The following MED26 variants were observed in gnomAD, a reference collection of about 807,000 sequenced individuals.
MED26 encodes the protein mediator complex subunit 26, also known as mediator of RNA polymerase II transcription subunit 26.
MED26 carries 7 observed loss-of-function variants against 43.7 expected under a neutral mutation model. The observed-to-expected ratio is 0.16, with a 90% CI of 0.09 to 0.30. The LOEUF is 0.30. Among genes scored for constraint, MED26 ranks in the 10% least tolerant of loss-of-function variants. MED26 has a pLI of 1.00. For missense variants in MED26, 784 were observed against 840.6 expected (o/e 0.93, Z 0.83); for synonymous variants, 375 against 371.1 (o/e 1.01, Z -0.12).
chr19:16,623,968 G>C (rs999997760), intron 1 of MED26, among the ~76,000 whole-genome samples: 1 of 152,078 alleles, frequency 6.6e-6, no homozygotes, highest in Admixed American at 6.6e-5. Flanking sequence ...CTGCAAAAGG[G>C]GAGACTGGCT....
At position 16,576,500 on chromosome 19, in the gene MED26, G is replaced by A. The variant is rs370366495; in HGVS notation, c.1330C>T (p.Arg444Trp). Reference sequence around the variant, plus strand: ...TCCATGTGCACAGGGCTGTCTGCCCGCACTGGCTCTTTCTGGGTCAGAGGT... The same window carrying A: ...TCCATGTGCACAGGGCTGTCTGCCCACACTGGCTCTTTCTGGGTCAGAGGT... ...IKPLTQKEPV[R>W]ADSPVHMEQQ... The change falls in exon 3 of 3, where the codon CGG becomes TGG. Residue 444 changes from arginine (R) to tryptophan (W), a missense_variant. Physicochemically the swap from Arg to Trp is moderately radical, Grantham distance 101. Around this residue, in one of 3 missense-constraint regions of MED26, gnomAD observed 719 missense variants for 730.9 expected, o/e 0.98. Transcript: ENST00000263390. The surrounding 1 kb of genome is among the most constrained non-coding windows in gnomAD (Gnocchi z 6.8). The A allele has an allele frequency of 1.7e-5, 28 of 1,614,064 alleles. No individual in the cohort carries two copies. The highest frequency in any genetic ancestry group is 6.6e-5 in the South Asian group (6 of 91,088).
chr19:16,609,941 T>TAAAAA (rs869040520), intron 1 of MED26, among the ~76,000 whole-genome samples: 1 of 84,666 alleles, frequency 1.2e-5, no homozygotes, highest in African/African-American at 4.7e-5. Context: ...AAGCACTCTT[T>TAAAAA]AAAAAAAAAA....
rs548209460 is a variant in MED26 at position 16,596,297 on chromosome 19, C to T, written c.73-17888G>A. On this transcript the variant is annotated intron_variant, in intron 1 of 2. Coordinates refer to ENST00000263390, the MANE Select transcript of MED26 (RefSeq NM_004831.5). The stretch of plus-strand genomic sequence containing the variant: ...GGTCCCAGAAAGCAACCCCATGCTG[C>T]GTCAGAGCTGTTATCCTGCCCTCCT... 2.6e-5 allele frequency among the ~76,000 whole-genome samples: 4 copies of T among 152,368 alleles called. No homozygotes were observed. In the South Asian group the frequency reaches 6.2e-4, roughly 24 times the overall value.
rs58343988 is a variant in MED26 at position 16,574,921 on chromosome 19, G to GTTTTTTTTTTTTTTTTTT, written c.*1105_*1106insAAAAAAAAAAAAAAAAAA. The GTTTTTTTTTTTTTTTTTT allele has an allele frequency of 7.0e-6, 1 of 142,056 alleles. No homozygotes were observed. The highest frequency in any genetic ancestry group is 1.6e-5 in the Non-Finnish European group (1 of 64,366). The allele number at this position is 142,056 out of a possible 1,614,324, so 8.8% of individuals were successfully genotyped here. ...ATTCTCAGACTGGTTTGTGCAAATG[G>GTTTTTTTTTTTTTTTTTT]TTTTTTTTTTTTTTTTATTTCCACA... On this transcript the variant is annotated 3_prime_UTR_variant, in exon 3 of 3. Transcript: ENST00000263390.
chr19:16,615,349 G>C (rs1023122451), intron 1 of MED26, among the ~76,000 whole-genome samples: 1 of 152,200 alleles, frequency 6.6e-6, no homozygotes, highest in Non-Finnish European at 1.5e-5. Flanking sequence ...GGCACAATGT[G>C]CTCAGATGAT....
chr19:16,579,428 G>A (rs1047976156), intron 1 of MED26, among the ~76,000 whole-genome samples: 4 of 152,246 alleles, frequency 2.6e-5, no homozygotes, highest in Non-Finnish European at 5.9e-5. Flanking sequence ...TACTTCGGGG[G>A]ATACAGCTGA....
At chr19:16,596,758 T>G (rs2086121765) in intron 1 of MED26, among the ~76,000 whole-genome samples, 1 of 152,144 alleles carries the variant, frequency 6.6e-6, no homozygotes, top group African/African-American at 2.4e-5. Flanking sequence ...TGACAGGACC[T>G]GGGGTAAGGT....
chr19:16,616,796 C>T (rs2086228254), intron 1 of MED26, among the ~76,000 whole-genome samples: 1 of 152,100 alleles, frequency 6.6e-6, no homozygotes, highest in African/African-American at 2.4e-5. Context: ...GCAGGCACCA[C>T]TGGAAAGGGT....
At chr19:16,616,527 G>T (rs1215339446) in intron 1 of MED26, among the ~76,000 whole-genome samples, 2 of 152,208 alleles carry the variant, frequency 1.3e-5, no homozygotes. Context: ...CCAGCTTGCA[G>T]GAAGAAGGAC....
chr19:16,589,630 T>G (rs2086087077), intron 1 of MED26, among the ~76,000 whole-genome samples: 1 of 152,178 alleles, frequency 6.6e-6, no homozygotes, highest in Non-Finnish European at 1.5e-5. Flanking sequence ...GGAGAGGACG[T>G]TGAAGATGGC....
At chr19:16,607,178 A>G (rs2086177404) in intron 1 of MED26, among the ~76,000 whole-genome samples, 2 of 151,388 alleles carry the variant, frequency 1.3e-5, no homozygotes, top group African/African-American at 4.9e-5. Flanking sequence ...CCTGTCTCTA[A>G]AAAATAAATA....
Position 16,576,392 on chromosome 19 carries a change from G to T in MED26, c.1438C>A (p.Leu480Met), listed in dbSNP as rs745357888. Residue 480 changes from leucine (L) to methionine (M), a missense_variant, in exon 3 of 3, where the codon CTG (leucine) becomes ATG (methionine). By Grantham distance (15) the Leu-to-Met change is conservative. Coordinates refer to ENST00000263390, the MANE Select transcript of MED26 (RefSeq NM_004831.5). This position sits in a 1 kb window ranked among gnomAD's most constrained non-coding sequence, Gnocchi z 6.8. Reference sequence around the variant, plus strand: ...GACTGGATGATCTCGTTGCGTGACAGCTCCTTCCAGTTCGTCTGTTCGAAG... The same window carrying T: ...GACTGGATGATCTCGTTGCGTGACATCTCCTTCCAGTTCGTCTGTTCGAAG... ...SPFEQTNWKE[L>M]SRNEIIQSYL... 2 of 1,614,002 alleles carry T rather than the reference G, an allele frequency of 1.2e-6. No homozygotes were observed. The highest frequency in any genetic ancestry group is 1.7e-6 in the Non-Finnish European group (2 of 1,180,036).
At chr19:16,580,290 G>A (rs1400886045) in intron 1 of MED26, among the ~76,000 whole-genome samples, 1 of 152,058 alleles carries the variant, frequency 6.6e-6, no homozygotes, top group Non-Finnish European at 1.5e-5. Flanking sequence ...CAGAAATCAG[G>A]TCTGAGTCTC....
chr19:16,623,391 A>G (rs1204135052), intron 1 of MED26, among the ~76,000 whole-genome samples: 2 of 152,248 alleles, frequency 1.3e-5, no homozygotes, highest in East Asian at 1.9e-4. Flanking sequence ...GTCAGAATCA[A>G]GAGTCCTTCA....
At chr19:16,579,669 G>T (rs1479983675) in intron 1 of MED26, among the ~76,000 whole-genome samples, 1 of 152,136 alleles carries the variant, frequency 6.6e-6, no homozygotes, top group African/African-American at 2.4e-5. Context: ...CAGGGGCCCT[G>T]AGGAAACCAC....
intron 1 of MED26, among the ~76,000 whole-genome samples, chr19:16,599,706 T>C (rs943258308): frequency 4.0e-5 from 6 of 151,708 alleles, no homozygotes; most frequent in Admixed American, 3.9e-4. Flanking sequence ...GAACCCCAGT[T>C]CCAGCCCCTG....
Position 16,576,031 on chromosome 19 carries a change from T to C in MED26, c.1799A>G (p.Asp600Gly), listed in dbSNP as rs891641058. The change falls in exon 3 of 3, where the codon GAC becomes GGC. Residue 600 changes from aspartate (D) to glycine (G), a missense_variant. Around this residue, in one of 3 missense-constraint regions of MED26, gnomAD observed 719 missense variants for 730.9 expected, o/e 0.98. Transcript: ENST00000263390. This position sits in a 1 kb window ranked among gnomAD's most constrained non-coding sequence, Gnocchi z 6.8. ...ACTTTGTGGCTGACAGGCCGGTCAGTCCAAGCAGACATAAGGCAGAATGTT... is the reference window on the plus strand; with the variant it reads ...ACTTTGTGGCTGACAGGCCGGTCAGCCCAAGCAGACATAAGGCAGAATGTT... ...RLNILPYVCL[D>G] is the part of the protein sequence containing the mutation. 3 of 1,611,018 alleles carry C rather than the reference T, an allele frequency of 1.9e-6. No homozygotes were observed. The highest frequency in any genetic ancestry group is 1.3e-5 in the African/African-American group (1 of 74,798).
intron 1 of MED26, among the ~76,000 whole-genome samples, chr19:16,621,962 C>A (rs1022463310): frequency 6.6e-6 from 1 of 152,286 alleles, no homozygotes; most frequent in South Asian, 2.1e-4. Flanking sequence ...ACCATACCCA[C>A]AGACACAGCT....
intron 1 of MED26, among the ~76,000 whole-genome samples, chr19:16,585,094 G>A (rs1439592090): frequency 6.6e-6 from 1 of 152,116 alleles, no homozygotes; most frequent in African/African-American, 2.4e-5. Flanking sequence ...CCATCTATCT[G>A]GTGAGACCCC....
Sources: allele counts gnomAD v4.1 joint callset (sites outside exome capture counted in the v4.1 genomes callset), GRCh38; gene constraint gnomAD v4.1.1; regional missense constraint gnomAD v4.1.1; non-coding constraint Gnocchi (gnomAD v3.1); transcripts MANE v1.5; gene names NCBI Gene and HGNC (gene_info 2026-07-23, HGNC 2026-07-21).